The following FGF1 variants were observed in gnomAD, a reference collection of about 807,000 sequenced individuals.
FGF1 encodes fibroblast growth factor 1, also known as beta-endothelial cell growth factor.
In FGF1, 9 loss-of-function variants were observed where a neutral mutation model predicts 13.4. That is an observed-to-expected ratio of 0.67 (90% CI 0.40 to 1.17). FGF1 has a LOEUF of 1.17. Ranked by LOEUF, FGF1 falls within the 50% of genes most tolerant of loss-of-function variation. FGF1 has a pLI of 0.01. For missense variants in FGF1, 156 were observed against 192.7 expected (o/e 0.81, Z 1.13); for synonymous variants, 93 against 79.0 (o/e 1.18, Z -0.94).
At position 142,595,275 on chromosome 5, in the gene FGF1, C is replaced by G. The variant is rs1755011987; in HGVS notation, c.*15G>C. The G allele has an allele frequency of 6.2e-7, 1 of 1,611,238 alleles. No homozygotes were observed. The highest frequency in any genetic ancestry group is 1.3e-5 in the African/African-American group (1 of 74,966). On this transcript the variant is annotated 3_prime_UTR_variant, in exon 4 of 4. Coordinates refer to ENST00000337706, the MANE Select transcript of FGF1 (RefSeq NM_000800.5). ...GAAACTTCTCTGGAGTGGTCAACAC[C>G]CAGAACAGATCTCTTTAATCAGAAG...
intron 1 of FGF1, among the ~76,000 whole-genome samples, chr5:142,669,566 G>A (rs1215067147): frequency 6.6e-6 from 1 of 152,218 alleles, no homozygotes; most frequent in African/African-American, 2.4e-5. Context: ...CGGGCATAGA[G>A]GGACCGGAAG....
At chr5:142,621,038 G>A (rs1761480632) in intron 1 of FGF1, among the ~76,000 whole-genome samples, 1 of 152,100 alleles carries the variant, frequency 6.6e-6, no homozygotes, top group African/African-American at 2.4e-5. Context: ...TGTCTCACCT[G>A]GGCTGCTGCA....
At chr5:142,611,369 C>A (rs1333133344) in intron 2 of FGF1, among the ~76,000 whole-genome samples, 1 of 152,194 alleles carries the variant, frequency 6.6e-6, no homozygotes, top group Non-Finnish European at 1.5e-5. Flanking sequence ...GCTGCCATTC[C>A]CATTCCACAG....
chr5:142,633,096 T>C (rs986173476), intron 1 of FGF1, among the ~76,000 whole-genome samples: 18 of 152,086 alleles, frequency 1.2e-4, no homozygotes, highest in African/African-American at 4.3e-4. Context: ...ATTTTTTTGA[T>C]TTTTAGTAGA....
intron 1 of FGF1, among the ~76,000 whole-genome samples, chr5:142,669,356 C>A (rs1056898860): frequency 6.6e-6 from 1 of 152,184 alleles, no homozygotes; most frequent in African/African-American, 2.4e-5. Context: ...AGACTACAAG[C>A]CAGTCGAGGA....
chr5:142,629,899 T>A (rs375571672), intron 1 of FGF1, among the ~76,000 whole-genome samples: 2,012 of 138,436 alleles, frequency 0.015, 29 homozygotes, highest in African/African-American at 0.047. Flanking sequence ...ATATATATTT[T>A]TTTTTTTTCT....
chr5:142,661,302 C>A (rs1307681175), intron 1 of FGF1, among the ~76,000 whole-genome samples: 1 of 152,192 alleles, frequency 6.6e-6, no homozygotes, highest in Non-Finnish European at 1.5e-5. Flanking sequence ...TATCACTTCA[C>A]ACCCACTAGG....
At chr5:142,620,631 C>T (rs544081740) in intron 1 of FGF1, among the ~76,000 whole-genome samples, 9 of 152,248 alleles carry the variant, frequency 5.9e-5, no homozygotes, top group African/African-American at 2.2e-4. Flanking sequence ...AAAGTGACAA[C>T]TCCGCAATTA....
At chr5:142,612,644 T>C (rs1353328951) in intron 2 of FGF1, among the ~76,000 whole-genome samples, 7 of 151,478 alleles carry the variant, frequency 4.6e-5, no homozygotes, top group Admixed American at 4.6e-4. Context: ...TTCTGACACC[T>C]GTTTTTCACT....
Position 142,618,929 on chromosome 5 carries a change from G to GTTTTTTTTT in FGF1, c.-34-4777_-34-4769dup, listed in dbSNP as rs869093279. ...CTGACATTTATTTTTTAGTTGTTTT[G>GTTTTTTTTT]TTTTTTTTTTTTTTTTTTTTTTTGA... is the stretch of plus-strand genomic sequence containing the variant. On this transcript the variant is annotated intron_variant, in intron 1 of 3. Coordinates refer to ENST00000337706, the MANE Select transcript of FGF1 (RefSeq NM_000800.5). Among the ~76,000 whole-genome samples the GTTTTTTTTT allele has an allele frequency of 3.3e-3, 201 of 61,212 alleles. 2 individuals carry two copies. Among genetic ancestry groups the GTTTTTTTTT allele is most frequent in the Middle Eastern group, 0.01 (1 of 96 alleles). The allele number at this position is 61,212 out of a possible 152,430, so 40.2% of individuals were successfully genotyped here.
intron 2 of FGF1, among the ~76,000 whole-genome samples, chr5:142,696,032 T>C (rs1753058511): frequency 6.6e-6 from 1 of 152,038 alleles, no homozygotes; most frequent in Non-Finnish European, 1.5e-5. Flanking sequence ...GGGAGACCCA[T>C]GTGAGCATGG....
At chr5:142,682,520 T>G (rs1773902650) in intron 1 of FGF1, among the ~76,000 whole-genome samples, 2 of 152,176 alleles carry the variant, frequency 1.3e-5, no homozygotes, top group Non-Finnish European at 2.9e-5. Context: ...TGGTACTTTA[T>G]TACCCCCACT....
intron 1 of FGF1, among the ~76,000 whole-genome samples, chr5:142,660,776 C>T (rs1349449905): frequency 6.6e-6 from 1 of 152,218 alleles, no homozygotes; most frequent in Admixed American, 6.5e-5. Flanking sequence ...CATCCCCTAC[C>T]ATGGTAAAAG....
At chr5:142,694,312 A>G (rs1752760217) in intron 2 of FGF1, among the ~76,000 whole-genome samples, 3 of 152,058 alleles carry the variant, frequency 2.0e-5, no homozygotes, top group African/African-American at 7.2e-5. Flanking sequence ...TTGTGCTATC[A>G]ATGGAAGGAA....
chr5:142,671,964 T>A (rs1451493260), intron 1 of FGF1: 1 of 152,186 alleles, frequency 6.6e-6, no homozygotes, highest in Non-Finnish European at 1.5e-5. Context: ...GGGCCCACAT[T>A]TCAGCCACAA....
intron 2 of FGF1, among the ~76,000 whole-genome samples, chr5:142,611,115 C>CA (rs1758951279): frequency 6.6e-6 from 1 of 152,182 alleles, no homozygotes; most frequent in African/African-American, 2.4e-5. Context: ...ATCAAGGAAT[C>CA]AAAAATATCT....
intron 1 of FGF1, among the ~76,000 whole-genome samples, chr5:142,671,283 G>C (rs1050738578): frequency 6.6e-6 from 1 of 152,212 alleles, no homozygotes; most frequent in Admixed American, 6.5e-5. Context: ...ATGATGTCCA[G>C]TATATGAATC....
intron 1 of FGF1, among the ~76,000 whole-genome samples, chr5:142,679,282 G>A (rs1369451705): frequency 6.6e-6 from 1 of 152,046 alleles, no homozygotes; most frequent in East Asian, 1.9e-4. Flanking sequence ...GGCAACCTTT[G>A]TGCATGCTCC....
At chr5:142,653,994 A>G (rs1292783257) in intron 1 of FGF1, among the ~76,000 whole-genome samples, 1 of 152,224 alleles carries the variant, frequency 6.6e-6, no homozygotes, top group Non-Finnish European at 1.5e-5. Context: ...CGGGAGGCTG[A>G]GGCTGGATAA....
Sources: gnomAD v4.1 joint callset for allele counts (sites outside exome capture counted in the v4.1 genomes callset) on GRCh38, gnomAD v4.1.1 for gene constraint, MANE v1.5 for transcripts, NCBI Gene and HGNC (gene_info 2026-07-23, HGNC 2026-07-21) for gene names.